Variants in TXLNB observed in about 807,000 individuals in gnomAD.
TXLNB encodes the protein taxilin beta.
A neutral mutation model predicts 57.4 loss-of-function variants in TXLNB; 37 were observed. That is an observed-to-expected ratio of 0.64 (90% confidence interval 0.50 to 0.85). TXLNB has a LOEUF of 0.85. Ranked by LOEUF, TXLNB falls within the 40% of genes least tolerant of loss-of-function variation. The pLI is 0.00. For synonymous variants in TXLNB, 302 were observed against 309.6 expected, an observed-to-expected ratio of 0.98 and a Z score of 0.26; for missense variants, 848 against 825.6, an observed-to-expected ratio of 1.03 and a Z score of -0.33.
At chr6:139,292,092 A>G (rs868765442), upstream of TXLNB, 16 of 139,064 alleles carry the variant, frequency 1.2e-4, no homozygotes, top group Middle Eastern at 3.4e-3. This position sits in a 1 kb window ranked among gnomAD's most constrained non-coding sequence, Gnocchi z 4.0. Context: ...GCGCGCACAC[A>G]CACACACACA....
At chr6:139,229,819 C>CT in the TXLNB span, among the ~76,000 whole-genome samples, 2 of 152,182 alleles carry the variant, frequency 1.3e-5, no homozygotes, top group African/African-American at 2.4e-5. Flanking sequence ...AGCAGACTGG[C>CT]TTGTGGTTGG....
chr6:139,310,780 C>G, the TXLNB span, among the ~76,000 whole-genome samples: 1 of 152,180 alleles, frequency 6.6e-6, no homozygotes, highest in Admixed American at 6.5e-5. Context: ...CTGCAACCTC[C>G]GCCTCCCGGA....
At chr6:139,211,654 G>T in the TXLNB span, among the ~76,000 whole-genome samples, 1 of 152,120 alleles carries the variant, frequency 6.6e-6, no homozygotes, top group African/African-American at 2.4e-5. Context: ...AGTTGAGAGA[G>T]GAAGGCTTCA....
At chr6:139,227,357 CA>C in the TXLNB span, among the ~76,000 whole-genome samples, 1,948 of 131,610 alleles carry the variant, frequency 0.015, 9 homozygotes, top group South Asian at 0.048. Flanking sequence ...ACAAAACAAA[CA>C]AAAAAAAAAA....
rs1775958646 is a variant in TXLNB at position 139,242,523 on chromosome 6, G to C, written c.*3C>G. The C allele has an allele frequency of 1.3e-6, 2 of 1,498,424 alleles. No homozygotes were observed. The highest frequency in any genetic ancestry group is 1.4e-5 in the South Asian group (1 of 72,330). The allele number at this position is 1,498,424 out of a possible 1,614,324, so 92.8% of individuals were successfully genotyped here. A position where few individuals can be genotyped will look rare whatever the true frequency, so the allele number is the denominator to read the frequency against. Reference sequence around the variant, plus strand: ...GAAGAAGCCTCTGAAGGCACGGTGAGGCTTAGTCGACGCCTTCCAGATTGG... The same window carrying C: ...GAAGAAGCCTCTGAAGGCACGGTGACGCTTAGTCGACGCCTTCCAGATTGG... On this transcript the variant is annotated 3_prime_UTR_variant, in exon 10 of 10. Coordinates refer to ENST00000358430, the MANE Select transcript of TXLNB (RefSeq NM_153235.4).
chr6:139,298,231 T>C, the TXLNB span, among the ~76,000 whole-genome samples: 2 of 152,242 alleles, frequency 1.3e-5, no homozygotes, highest in African/African-American at 4.8e-5. Context: ...TATTGGGTGC[T>C]ACACTTGTAC....
At position 139,288,609 on chromosome 6, in the gene TXLNB, G is replaced by A. The variant is rs201012945; in HGVS notation, c.291C>T (p.Asn97=). 26 of 1,614,158 alleles carry A rather than the reference G, an allele frequency of 1.6e-5. No individual in the cohort carries two copies. The African/African-American group carries it at 1.9e-4, about 12-fold the overall frequency. ...TTGTTTCCTCACAGTCCCCATCCTC[G>A]TTGTCAGGTGATTCTGCATTCTCAG... ...EQPENAESPD[N]EDGDCEETTE... Residue 97 remains asparagine (N), a synonymous_variant, in exon 2 of 10, where the codon AAC becomes AAT. Transcript: ENST00000358430.
chr6:139,167,317 C>T, the TXLNB span: 32 of 1,582,944 alleles, frequency 2.0e-5, no homozygotes, highest in African/African-American at 5.4e-5. Flanking sequence ...TTCCTTGTCA[C>T]CTTCAAGGTA....
chr6:139,298,840 G>C, the TXLNB span, among the ~76,000 whole-genome samples: 93,251 of 152,000 alleles, frequency 0.61, 28,810 homozygotes, highest in Non-Finnish European at 0.65. Context: ...GGCTAGGTGC[G>C]AGTCTCTTGG....
the TXLNB span, among the ~76,000 whole-genome samples, chr6:139,159,753 G>A: frequency 3.9e-5 from 6 of 152,200 alleles, no homozygotes; most frequent in South Asian, 2.1e-4. Context: ...GGGTTTACAA[G>A]GATGAATGTG....
chr6:139,286,539 G>A (rs1410267075), intron 2 of TXLNB, among the ~76,000 whole-genome samples: 1 of 152,170 alleles, frequency 6.6e-6, no homozygotes, highest in Non-Finnish European at 1.5e-5. Context: ...GCCGGGCGCA[G>A]TGGCTCACGT....
intron 4 of TXLNB, among the ~76,000 whole-genome samples, chr6:139,265,353 AT>A (rs1405954565): frequency 6.6e-6 from 1 of 152,060 alleles, no homozygotes; most frequent in Non-Finnish European, 1.5e-5. Flanking sequence ...TATATGTATG[AT>A]TTTGTTGAAA....
chr6:139,235,226 A>G (rs915184329), downstream of TXLNB, among the ~76,000 whole-genome samples: 3 of 152,058 alleles, frequency 2.0e-5, no homozygotes, highest in Non-Finnish European at 2.9e-5. Flanking sequence ...TCCTGTGTCT[A>G]TAAAAACTTG....
At chr6:139,257,844 A>G (rs1776383604) in intron 6 of TXLNB, among the ~76,000 whole-genome samples, 2 of 152,136 alleles carry the variant, frequency 1.3e-5, no homozygotes, top group Admixed American at 1.3e-4. Flanking sequence ...TCTTTTTCCC[A>G]TGACCCAGCC....
At chr6:139,319,948 T>C in the TXLNB span, among the ~76,000 whole-genome samples, 1 of 152,166 alleles carries the variant, frequency 6.6e-6, no homozygotes, top group African/African-American at 2.4e-5. Context: ...AAAAAGTTAT[T>C]AAAAATACAT....
At chr6:139,206,747 T>C in the TXLNB span, among the ~76,000 whole-genome samples, 1 of 151,328 alleles carries the variant, frequency 6.6e-6, no homozygotes, top group Non-Finnish European at 1.5e-5. Flanking sequence ...GCTGTCTTCA[T>C]GAGACTTACC....
chr6:139,232,185 A>G, the TXLNB span, among the ~76,000 whole-genome samples: 3 of 152,212 alleles, frequency 2.0e-5, no homozygotes, highest in African/African-American at 2.4e-5. Context: ...ATCATGGCAG[A>G]AGGGGAAGCA....
chr6:139,180,048 G>A, the TXLNB span: 1 of 152,132 alleles, frequency 6.6e-6, no homozygotes, highest in Non-Finnish European at 1.5e-5. Flanking sequence ...TACATTTGAA[G>A]CAGTTGATAT....
intron 6 of TXLNB, among the ~76,000 whole-genome samples, chr6:139,257,901 G>A (rs989422990): frequency 4.6e-5 from 7 of 152,112 alleles, no homozygotes; most frequent in African/African-American, 1.7e-4. Context: ...TGCCTCCCAG[G>A]GTGCAATGAA....
Sources: allele counts gnomAD v4.1 joint callset (sites outside exome capture counted in the v4.1 genomes callset), GRCh38; gene constraint gnomAD v4.1.1; non-coding constraint Gnocchi (gnomAD v3.1); transcripts MANE v1.5; gene names NCBI Gene and HGNC (gene_info 2026-07-23, HGNC 2026-07-21).